NRXN3: variants seen among roughly 807,000 people sequenced by gnomAD.
The protein encoded by NRXN3 is neurexin 3.
A neutral mutation model predicts 137.6 loss-of-function variants in NRXN3; 32 were observed. The ratio of observed to expected loss-of-function variants is 0.23; its 90% CI spans 0.18 to 0.31. The LOEUF is 0.31. Among genes scored for constraint, NRXN3 ranks in the 10% least tolerant of loss-of-function variants. The pLI is 1.00. For synonymous variants in NRXN3, 798 were observed against 784.5 expected (o/e 1.02, Z -0.29); for missense variants, 1,574 against 2,062.5 (o/e 0.76, Z 4.59).
chr14:78,424,540 A>G (rs10135111), intron 4 of NRXN3, among the ~76,000 whole-genome samples: 151,950 of 152,348 alleles, frequency 1, 75,777 homozygotes, highest in Non-Finnish European at 1. Context: ...ATTTATAGAA[A>G]GACATTCATA....
chr14:79,358,243 AG>A (rs1156884332), intron 15 of NRXN3, among the ~76,000 whole-genome samples: 1 of 152,284 alleles, frequency 6.6e-6, no homozygotes, highest in African/African-American at 2.4e-5. Flanking sequence ...AATTAGGTTG[AG>A]TACACAGAGC....
chr14:79,212,302 A>C (rs891217589), intron 15 of NRXN3, among the ~76,000 whole-genome samples: 2 of 152,196 alleles, frequency 1.3e-5, no homozygotes, highest in Admixed American at 1.3e-4. Context: ...TTTTCTTTCT[A>C]GGCTTCTTTG....
chr14:79,058,928 T>C (rs1398872887), intron 15 of NRXN3, among the ~76,000 whole-genome samples: 1 of 152,222 alleles, frequency 6.6e-6, no homozygotes, highest in East Asian at 1.9e-4. Context: ...GTAACTTTCC[T>C]GAGGCTTCCC....
intron 1 of NRXN3, among the ~76,000 whole-genome samples, chr14:78,186,655 C>G (rs931755572): frequency 3.3e-5 from 5 of 152,182 alleles, no homozygotes; most frequent in African/African-American, 9.7e-5. Context: ...GACGTAGAAG[C>G]CTTTTTAATA....
At chr14:79,828,801 T>C (rs1020051171) in intron 20 of NRXN3, among the ~76,000 whole-genome samples, 1 of 151,964 alleles carries the variant, frequency 6.6e-6, no homozygotes, top group Non-Finnish European at 1.5e-5. Context: ...TTCAAGCACA[T>C]ACAGCCTGAT....
rs568814695 is a variant in NRXN3, at chr14:79,098,723, A to T, written c.3262+110582A>T. ...TGCCACAATGGTGCCTGCAAGAGGA[A>T]ACTCATCGGAGTGCTTTCATCAGCA... On this transcript the variant is annotated intron_variant, in intron 15 of 20. Coordinates refer to ENST00000335750, the MANE Select transcript of NRXN3 (RefSeq NM_001330195.2). Among the ~76,000 whole-genome samples the T allele has an allele frequency of 2.0e-5, 3 of 152,306 alleles. No individual in the cohort carries two copies. In the East Asian group the frequency reaches 5.8e-4, roughly 29 times the overall value.
intron 15 of NRXN3, among the ~76,000 whole-genome samples, chr14:79,012,302 A>G (rs1211956641): frequency 2.6e-5 from 4 of 152,172 alleles, no homozygotes. Flanking sequence ...AAGAACATTA[A>G]GTGGACATTT....
chr14:79,464,404 G>GT, intron 15 of NRXN3, among the ~76,000 whole-genome samples: 1 of 151,932 alleles, frequency 6.6e-6, no homozygotes, highest in Non-Finnish European at 1.5e-5. Context: ...GTGAAGTTTT[G>GT]TTTTTTGTTT....
chr14:78,175,934 C>A (rs75570774), intron 1 of NRXN3, among the ~76,000 whole-genome samples: 1 of 152,156 alleles, frequency 6.6e-6, no homozygotes. Flanking sequence ...AGATGGATCT[C>A]GTCTCTTTAC....
chr14:79,440,205 T>C (rs2095910996), intron 15 of NRXN3, among the ~76,000 whole-genome samples: 1 of 152,232 alleles, frequency 6.6e-6, no homozygotes, highest in Non-Finnish European at 1.5e-5. Flanking sequence ...CAGTTTGGTG[T>C]AATGGTTAAG....
At chr14:79,413,985 T>C (rs191851180) in intron 15 of NRXN3, among the ~76,000 whole-genome samples, 1 of 151,884 alleles carries the variant, frequency 6.6e-6, no homozygotes, top group Non-Finnish European at 1.5e-5. Flanking sequence ...ACCTGTGATA[T>C]TATTCTCTGC....
rs1174767651 is a variant in NRXN3, at chr14:79,134,827, C to T, written c.3262+146686C>T. On this transcript the variant is annotated intron_variant, in intron 15 of 20. Coordinates refer to ENST00000335750, the MANE Select transcript of NRXN3 (RefSeq NM_001330195.2). ...CGAAGAACAAAATCTTGCTTTCTGT[C>T]TTTCCCAGACTGATTCTCTATTGTA... is the stretch of plus-strand genomic sequence containing the variant. Among the ~76,000 whole-genome samples, 5 of 152,168 alleles carry T rather than the reference C, an allele frequency of 3.3e-5. No individual in the cohort carries two copies. In the East Asian group the frequency reaches 5.8e-4, roughly 18 times the overall value.
intron 15 of NRXN3, among the ~76,000 whole-genome samples, chr14:79,015,792 C>T (rs1178251984): frequency 6.6e-6 from 1 of 152,148 alleles, no homozygotes; most frequent in African/African-American, 2.4e-5. Flanking sequence ...TAGTCCAACA[C>T]CAGTAAATGA....
chr14:78,648,757 T>A (rs2097710887), intron 5 of NRXN3, among the ~76,000 whole-genome samples: 1 of 152,228 alleles, frequency 6.6e-6, no homozygotes, highest in African/African-American at 2.4e-5. Context: ...TAGTCAGATG[T>A]GAAAAAAGTA....
At chr14:78,697,324 G>T (rs934700957) in intron 6 of NRXN3, among the ~76,000 whole-genome samples, 5 of 151,586 alleles carry the variant, frequency 3.3e-5, no homozygotes, top group South Asian at 2.1e-4. Context: ...AAATATAAAA[G>T]AAATTTAATT....
chr14:78,278,684 G>A (rs764611613), intron 3 of NRXN3, 22 bp downstream of exon 3: 14 of 1,532,978 alleles, frequency 9.1e-6, no homozygotes, highest in South Asian at 1.2e-5. Flanking sequence ...TGTTTGCACA[G>A]CTGCTGTGGG....
chr14:79,838,712 C>T (rs1484556531), intron 20 of NRXN3, among the ~76,000 whole-genome samples: 1 of 152,158 alleles, frequency 6.6e-6, no homozygotes, highest in East Asian at 1.9e-4. Flanking sequence ...AAGCTGCTGC[C>T]ATGCTAGTGT....
chr14:79,258,594 G>T (rs902787241), intron 15 of NRXN3, among the ~76,000 whole-genome samples: 1 of 152,126 alleles, frequency 6.6e-6, no homozygotes, highest in Non-Finnish European at 1.5e-5. Flanking sequence ...AATTTCAGCT[G>T]TGTTAATAAC....
intron 4 of NRXN3, among the ~76,000 whole-genome samples, chr14:78,575,745 C>T (rs914891800): frequency 3.3e-5 from 5 of 151,888 alleles, no homozygotes; most frequent in East Asian, 3.9e-4. Context: ...ATAGTACAAG[C>T]GGGGGTGGTG....
Sources: allele counts gnomAD v4.1 joint callset (sites outside exome capture counted in the v4.1 genomes callset), GRCh38; gene constraint gnomAD v4.1.1; transcripts MANE v1.5; gene names NCBI Gene and HGNC (gene_info 2026-07-23, HGNC 2026-07-21).